The following PCDHGB5 variants were observed in gnomAD, a reference collection of about 807,000 sequenced individuals.
PCDHGB5 encodes the protein protocadherin gamma subfamily B, 5.
In PCDHGB5, 48 loss-of-function variants were observed where a neutral mutation model predicts 62.9. That is an observed-to-expected ratio of 0.76 (90% CI 0.61 to 0.97). PCDHGB5 has a LOEUF of 0.97. PCDHGB5 is among the 50% of genes least tolerant of loss of function. The pLI, the probability that PCDHGB5 is intolerant of heterozygous loss-of-function variation, is 0.00. For synonymous variants in PCDHGB5, 474 were observed against 511.2 expected (o/e 0.93, Z 0.98); for missense variants, 1,118 against 1,198.6 (o/e 0.93, Z 0.99).
chr5:141,403,341 C>T (rs1279947533), intron 1 of PCDHGB5: 1 of 1,613,988 alleles, frequency 6.2e-7, no homozygotes, highest in Non-Finnish European at 8.5e-7. Flanking sequence ...AACGACAGCG[C>T]CCCAAAGTTC....
At chr5:141,474,607 A>C (rs1334447439) in intron 1 of PCDHGB5, among the ~76,000 whole-genome samples, 1 of 152,238 alleles carries the variant, frequency 6.6e-6, no homozygotes, top group Non-Finnish European at 1.5e-5. Context: ...TAGGTCACAT[A>C]TGGCTTTTCA....
rs531855306 is a variant in PCDHGB5 at position 141,422,110 on chromosome 5, T to C, written c.2397+21586T>C. 230 of 1,606,626 alleles carry C rather than the reference T, an allele frequency of 1.4e-4. 6 individuals carry two copies. The South Asian group carries it at 2.5e-3, about 17-fold the overall frequency. On this transcript the variant is annotated intron_variant, in intron 1 of 3. Coordinates refer to ENST00000617380, the MANE Select transcript of PCDHGB5 (RefSeq NM_018925.3). The stretch of plus-strand genomic sequence containing the variant: ...AAGCAAGGCTTCTGAAATATTCCAA[T>C]TGGATTCACAAACTGGAGAAGTTCA...
Position 141,409,996 on chromosome 5 carries a change from G to C in PCDHGB5, c.2397+9472G>C, listed in dbSNP as rs1561724976. 8.7e-6 allele frequency: 14 copies of C among 1,613,014 alleles called. No homozygotes were observed. The Admixed American group carries it at 1.8e-4, about 21-fold the overall frequency. On this transcript the variant is annotated intron_variant, in intron 1 of 3. Transcript: ENST00000617380. ...AGGTGGTAGCGGTGGACGCCGACTC[G>C]GGACACAACGCCTGGCTGTCCTACC...
chr5:141,442,981 C>T (rs2098357132), intron 1 of PCDHGB5, among the ~76,000 whole-genome samples: 1 of 152,142 alleles, frequency 6.6e-6, no homozygotes, highest in African/African-American at 2.4e-5. Flanking sequence ...ATAAAGTTAG[C>T]CTATAATTTC....
At chr5:141,405,489 G>A (rs1008095215) in intron 1 of PCDHGB5, 51 of 894,082 alleles carry the variant, frequency 5.7e-5, no homozygotes, top group Non-Finnish European at 7.7e-5. Context: ...GTGTGATCTC[G>A]GCTCATTGCA....
Position 141,485,046 on chromosome 5 carries a change from G to A in PCDHGB5, c.2398-9761G>A. On this transcript the variant is annotated intron_variant, in intron 1 of 3. Transcript: ENST00000617380. This position sits in a 1 kb window ranked among gnomAD's most constrained non-coding sequence, Gnocchi z 5.7. ...AAAAACGGCGCGTAACCCTTGCGGCGCCGGCCGAACCGCGCCAGAGCTGGC... is the reference window on the plus strand; with the variant it reads ...AAAAACGGCGCGTAACCCTTGCGGCACCGGCCGAACCGCGCCAGAGCTGGC... 2 of 750,304 alleles carry A rather than the reference G, an allele frequency of 2.7e-6. No individual in the cohort carries two copies. The highest frequency in any genetic ancestry group is 4.5e-6 in the Non-Finnish European group (2 of 443,046). The allele number at this position is 750,304 out of a possible 1,614,324, so 46.5% of individuals were successfully genotyped here. A position where few individuals can be genotyped will look rare whatever the true frequency, so the allele number is the denominator to read the frequency against.
chr5:141,406,258 G>A (rs895877034), intron 1 of PCDHGB5, among the ~76,000 whole-genome samples: 2 of 151,882 alleles, frequency 1.3e-5, no homozygotes, highest in African/African-American at 4.8e-5. Context: ...GGTCTCAAAC[G>A]ATCTTCCTGC....
intron 1 of PCDHGB5, chr5:141,492,018 G>A: frequency 1.7e-6 from 1 of 585,594 alleles, no homozygotes; most frequent in Admixed American, 3.7e-5. Flanking sequence ...GGGTGTCGGG[G>A]GTCCCGGGAG....
intron 2 of PCDHGB5, among the ~76,000 whole-genome samples, chr5:141,502,170 G>A (rs1165631931): frequency 6.6e-6 from 1 of 152,128 alleles, no homozygotes; most frequent in Admixed American, 6.5e-5. Context: ...TTCAGTTGAG[G>A]AATTTAACAT....
chr5:141,477,351 G>A lies in PCDHGB5; in HGVS notation c.2398-17456G>A. 6.2e-7 allele frequency: 1 copy of A among 1,614,126 alleles called. No homozygotes were observed. The highest frequency in any genetic ancestry group is 8.5e-7 in the Non-Finnish European group (1 of 1,180,018). On this transcript the variant is annotated intron_variant, in intron 1 of 3. Transcript: ENST00000617380. This position sits in a 1 kb window ranked among gnomAD's most constrained non-coding sequence, Gnocchi z 4.9. ...AAGAATTACTTCACTTTGAAAACCA[G>A]TGCAGACCTGGATCGGGAGACTGTG...
intron 1 of PCDHGB5, among the ~76,000 whole-genome samples, chr5:141,463,518 G>T (rs537466389): frequency 7.2e-6 from 1 of 139,068 alleles, no homozygotes; most frequent in African/African-American, 2.8e-5. Context: ...GCGTGATCTC[G>T]GCTTACTAGA....
At chr5:141,464,131 G>C (rs982496493) in intron 1 of PCDHGB5, among the ~76,000 whole-genome samples, 19 of 152,056 alleles carry the variant, frequency 1.2e-4, no homozygotes, top group Admixed American at 2.0e-4. Flanking sequence ...TGGGTGTGGT[G>C]GTGGGCGCCT....
chr5:141,418,533 C>G, intron 1 of PCDHGB5: 1 of 1,614,032 alleles, frequency 6.2e-7, no homozygotes, highest in Non-Finnish European at 8.5e-7. Flanking sequence ...CGAAGCGGTA[C>G]TGCTCAGATA....
At chr5:141,433,181 G>T (rs199507607) in intron 1 of PCDHGB5, 45 of 1,607,620 alleles carry the variant, frequency 2.8e-5, no homozygotes, top group Non-Finnish European at 3.4e-5. Context: ...TGGGTTAATT[G>T]AGGTGAGTTT....
chr5:141,503,912 AAC>A lies in PCDHGB5; in HGVS notation c.2457-1471_2457-1470del, dbSNP rs34419983. Among the ~76,000 whole-genome samples, 284 of 152,278 alleles carry A rather than the reference AAC, an allele frequency of 1.9e-3. 1 individual carries two copies. The highest frequency in any genetic ancestry group is 0.014 in the Middle Eastern group (4 of 292). Reference sequence around the variant, plus strand: ...GACAAAATATGCACACACACAACGCAACACACACACAGACATTTTCATGCCTT... The same window carrying A: ...GACAAAATATGCACACACACAACGCAACACACACAGACATTTTCATGCCTT... On this transcript the variant is annotated intron_variant, in intron 2 of 3. Coordinates refer to ENST00000617380, the MANE Select transcript of PCDHGB5 (RefSeq NM_018925.3).
At chr5:141,404,395 CA>C (rs2094524205) in intron 1 of PCDHGB5, 7 of 1,613,768 alleles carry the variant, frequency 4.3e-6, no homozygotes, top group Non-Finnish European at 5.9e-6. Flanking sequence ...ACCCTGATAG[CA>C]ATGAGAATTC....
rs2093898646 is a variant in PCDHGB5, at chr5:141,399,832, G to C, written c.1705G>C (p.Ala569Pro). ...LYPALGPDGS[A>P]LFDMVPRAAE... ...CCCCGCGCTGGGTCCCGACGGCTCT[G>C]CGCTCTTCGATATGGTGCCGCGCGC... The change falls in exon 1 of 4, where the codon GCG becomes CCG. Residue 569 changes from alanine (A) to proline (P), a missense_variant. Around this residue, in one of 2 missense-constraint regions of PCDHGB5, gnomAD observed 1,034 missense variants for 1,029.1 expected, o/e 1.00. Coordinates refer to ENST00000617380, the MANE Select transcript of PCDHGB5 (RefSeq NM_018925.3). 1 of 1,613,034 alleles carries C rather than the reference G, an allele frequency of 6.2e-7. No individual in the cohort carries two copies. The highest frequency in any genetic ancestry group is 1.7e-5 in the Admixed American group (1 of 59,996).
In PCDHGB5 at chr5:141,398,834, A is replaced by T; in HGVS notation, c.707A>T (p.Asn236Ile). The T allele has an allele frequency of 6.2e-7, 1 of 1,614,014 alleles. No individual in the cohort carries two copies. Among genetic ancestry groups the T allele is most frequent in the Non-Finnish European group, 8.5e-7 (1 of 1,179,892 alleles). The change falls in exon 1 of 4, where the codon AAT becomes ATT. Residue 236 changes from asparagine to isoleucine, a missense_variant. Asn to Ile is a moderately radical substitution (Grantham distance 149). Coordinates refer to ENST00000617380, the MANE Select transcript of PCDHGB5 (RefSeq NM_018925.3). ...TELRIQVTDA[N>I]DNPPVFNRDV... Reference sequence around the variant, plus strand: ...CTCCGGATCCAGGTAACCGACGCCAATGATAATCCCCCGGTATTCAACCGA... The same window carrying T: ...CTCCGGATCCAGGTAACCGACGCCATTGATAATCCCCCGGTATTCAACCGA...
intron 1 of PCDHGB5, 157 bp from the exon 2 acceptor site, chr5:141,494,650 T>G (rs1366776271): frequency 1.0e-6 from 1 of 960,138 alleles, no homozygotes; most frequent in East Asian, 1.1e-4. Context: ...CTGAGGTGTA[T>G]TTTGTCTTTG....
Sources: gnomAD v4.1 joint callset for allele counts (sites outside exome capture counted in the v4.1 genomes callset) on GRCh38, gnomAD v4.1.1 for gene constraint, gnomAD v4.1.1 regional missense constraint, Gnocchi (gnomAD v3.1) non-coding constraint, MANE v1.5 for transcripts, NCBI Gene and HGNC (gene_info 2026-07-23, HGNC 2026-07-21) for gene names.